GLI2: variants seen among roughly 807,000 people sequenced by gnomAD.
The protein encoded by GLI2 is transcription activator GLI2.
Under a neutral mutation model 78.9 loss-of-function variants are expected in GLI2, and 22 were observed. The ratio of observed to expected loss-of-function variants is 0.28; its 90% CI spans 0.20 to 0.40. The LOEUF (loss-of-function observed/expected upper bound fraction) is 0.40, where lower values mean the gene tolerates loss of function less well. Ranked by LOEUF, GLI2 falls within the 10% of genes least tolerant of loss-of-function variation. The pLI, the probability that GLI2 is intolerant of heterozygous loss-of-function variation, is 1.00. For synonymous variants in GLI2, 974 were observed against 963.7 expected, an observed-to-expected ratio of 1.01 and a Z score of -0.20; for missense variants, 2,097 against 2,213.2, an observed-to-expected ratio of 0.95 and a Z score of 1.05.
chr2:120,824,992 C>T (rs1343369917), intron 2 of GLI2, among the ~76,000 whole-genome samples: 3 of 152,184 alleles, frequency 2.0e-5, no homozygotes, highest in African/African-American at 4.8e-5. Flanking sequence ...CCTGCCATCA[C>T]ACCTGGCTTA....
chr2:120,974,523 C>T (rs564137241), intron 8 of GLI2, among the ~76,000 whole-genome samples: 1 of 152,158 alleles, frequency 6.6e-6, no homozygotes, highest in African/African-American at 2.4e-5. Flanking sequence ...CTAATGTGGT[C>T]AGGGGACTCA....
At chr2:120,834,258 C>T (rs1184409917) in intron 2 of GLI2, among the ~76,000 whole-genome samples, 1 of 152,166 alleles carries the variant, frequency 6.6e-6, no homozygotes, top group Middle Eastern at 3.2e-3. Flanking sequence ...GCATCAGGGT[C>T]AGTCAGTGAG....
At position 120,951,243 on chromosome 2, in the gene GLI2, GC is replaced by G; in HGVS notation, c.260del (p.Pro87LeufsTer14). On this transcript the variant is annotated frameshift_variant and splice_region_variant, in exon 4 of 14. Transcript: ENST00000361492. LOFTEE classifies it high-confidence loss of function. ...AGACGGCTGCCCATTGTCTCTGCAG[GC>G]CCCCTGCCCTCAGCGGCAGCCCTGT... ...EPHSVHGVHGPPALSGSPVIS... is the reference protein window; with the variant it reads ...EPHSVHGVHGXPALSGSPVIS... 1 of 1,587,768 alleles carries G rather than the reference GC, an allele frequency of 6.3e-7. No individual in the cohort carries two copies. The highest frequency in any genetic ancestry group is 8.6e-7 in the Non-Finnish European group (1 of 1,156,192).
chr2:120,788,832 T>C (rs377412788), intron 1 of GLI2, among the ~76,000 whole-genome samples: 1 of 152,080 alleles, frequency 6.6e-6, no homozygotes, highest in South Asian at 2.1e-4. Context: ...CCCCTCAACT[T>C]GCAGGCCCCT....
At chr2:120,869,637 C>T (rs1357599748) in intron 2 of GLI2, among the ~76,000 whole-genome samples, 3 of 152,180 alleles carry the variant, frequency 2.0e-5, no homozygotes, top group Non-Finnish European at 2.9e-5. Flanking sequence ...CAGGCAGTGT[C>T]GCTTAAACTA....
At chr2:120,901,569 T>C (rs1238360053) in intron 2 of GLI2, among the ~76,000 whole-genome samples, 1 of 152,184 alleles carries the variant, frequency 6.6e-6, no homozygotes, top group Non-Finnish European at 1.5e-5. Flanking sequence ...GGGGTCTTCA[T>C]AGACCACTAG....
chr2:120,984,970 C>G (rs1023941098), intron 12 of GLI2, among the ~76,000 whole-genome samples: 4 of 152,206 alleles, frequency 2.6e-5, no homozygotes, highest in Non-Finnish European at 5.9e-5. Flanking sequence ...GGGTGTGTGG[C>G]AGCACGCTGG....
chr2:120,841,175 G>A (rs1200052898), intron 2 of GLI2, among the ~76,000 whole-genome samples: 1 of 152,248 alleles, frequency 6.6e-6, no homozygotes, highest in Non-Finnish European at 1.5e-5. Context: ...AAAGAACTGT[G>A]TAATTATTAT....
At chr2:120,908,306 T>C (rs1280943231) in intron 2 of GLI2, among the ~76,000 whole-genome samples, 1 of 152,150 alleles carries the variant, frequency 6.6e-6, no homozygotes, top group African/African-American at 2.4e-5. Context: ...GGCATGGACA[T>C]GGGTTTCAGG....
chr2:120,970,121 G>A (rs566293843), intron 6 of GLI2, among the ~76,000 whole-genome samples: 3 of 152,260 alleles, frequency 2.0e-5, no homozygotes, highest in Admixed American at 1.3e-4. Flanking sequence ...GCCAGGGTGT[G>A]GGGATGAGCT....
chr2:120,742,097 C>A (rs957244506), intron 1 of GLI2, among the ~76,000 whole-genome samples: 1 of 152,190 alleles, frequency 6.6e-6, no homozygotes, highest in African/African-American at 2.4e-5. Flanking sequence ...CCACGGGAGC[C>A]GGGAAGAGAG....
At chr2:120,849,161 A>T (rs1006012733) in intron 2 of GLI2, among the ~76,000 whole-genome samples, 1 of 152,176 alleles carries the variant, frequency 6.6e-6, no homozygotes, top group African/African-American at 2.4e-5. Flanking sequence ...GTAGAATCGC[A>T]GCTGTCAGCG....
chr2:120,978,610 C>G (rs372019197), intron 10 of GLI2, 27 bp downstream of exon 10: 1 of 1,609,042 alleles, frequency 6.2e-7, no homozygotes, highest in African/African-American at 1.3e-5. Context: ...CCACCCCCGC[C>G]GCAGCATCAA....
At chr2:120,799,740 G>T (rs899197500) in intron 2 of GLI2, among the ~76,000 whole-genome samples, 1 of 152,196 alleles carries the variant, frequency 6.6e-6, no homozygotes, top group Non-Finnish European at 1.5e-5. Context: ...GTTACTGGAT[G>T]GTGGCAGAGG....
chr2:120,900,954 A>T lies in GLI2; in HGVS notation c.149-26407A>T, dbSNP rs185597935. On this transcript the variant is annotated intron_variant, in intron 2 of 13. Transcript: ENST00000361492. ...CCTTTTTCTTTTTAAGAGGGAGAACAGAGCCCTCTTGGCTGGCAGGTGTAA... is the reference window on the plus strand; with the variant it reads ...CCTTTTTCTTTTTAAGAGGGAGAACTGAGCCCTCTTGGCTGGCAGGTGTAA... Among the ~76,000 whole-genome samples, 487 of 152,320 alleles carry T rather than the reference A, an allele frequency of 3.2e-3. 2 individuals carry two copies. The highest frequency in any genetic ancestry group is 5.4e-3 in the Non-Finnish European group (367 of 68,018).
At chr2:120,986,070 A>G (rs557696459) in intron 12 of GLI2, among the ~76,000 whole-genome samples, 1 of 152,362 alleles carries the variant, frequency 6.6e-6, no homozygotes, top group East Asian at 1.9e-4. Context: ...TAGTTGGGGA[A>G]GCCAAGGTTA....
At chr2:120,978,696 C>T in intron 10 of GLI2, 113 bp downstream of exon 10, 1 of 1,164,898 alleles carries the variant, frequency 8.6e-7, no homozygotes, top group African/African-American at 1.5e-5. Flanking sequence ...TGGGGCAGAC[C>T]ACAGCAGGGG....
intron 2 of GLI2, among the ~76,000 whole-genome samples, chr2:120,842,613 C>T (rs542947642): frequency 6.6e-6 from 1 of 152,346 alleles, no homozygotes; most frequent in African/African-American, 2.4e-5. Flanking sequence ...CAGGGAGCTC[C>T]TGGCATGCCG....
At chr2:120,813,153 C>T (rs115973395) in intron 2 of GLI2, among the ~76,000 whole-genome samples, 4 of 152,166 alleles carry the variant, frequency 2.6e-5, no homozygotes, top group Non-Finnish European at 5.9e-5. Context: ...CTGGCAGGGC[C>T]GGGGTGGTGA....
Sources: gnomAD v4.1 joint callset for allele counts (sites outside exome capture counted in the v4.1 genomes callset) on GRCh38, gnomAD v4.1.1 for gene constraint, MANE v1.5 for transcripts, NCBI Gene and HGNC (gene_info 2026-07-23, HGNC 2026-07-21) for gene names.